Variants in CMSS1 observed in about 807,000 individuals in gnomAD.
The protein encoded by CMSS1 is protein CMSS1.
In CMSS1, 33 loss-of-function variants were observed where a neutral mutation model predicts 43.5. That is an observed-to-expected ratio of 0.76 (90% CI 0.57 to 1.01). CMSS1 has a LOEUF of 1.01. Among genes scored for constraint, CMSS1 ranks in the 50% least tolerant of loss-of-function variants. CMSS1 has a pLI of 0.00. For synonymous variants in CMSS1, 115 were observed against 117.2 expected (o/e 0.98, Z 0.12); for missense variants, 313 against 326.4 (o/e 0.96, Z 0.32).
chr3:100,169,552 T>C (rs761793781), intron 6 of CMSS1, among the ~76,000 whole-genome samples: 18 of 152,276 alleles, frequency 1.2e-4, no homozygotes, highest in Non-Finnish European at 2.4e-4. Flanking sequence ...TTTAGAAAAG[T>C]AGTTGTTAAA....
chr3:100,143,781 C>T (rs942284721), intron 1 of CMSS1, among the ~76,000 whole-genome samples: 3 of 152,280 alleles, frequency 2.0e-5, no homozygotes, highest in Non-Finnish European at 2.9e-5. Context: ...GCTATGTCTT[C>T]TTGACAGATT....
rs71907944 is a variant in CMSS1, at chr3:100,062,093, C to CTTTT, written c.65-84847_65-84844dup. Among the ~76,000 whole-genome samples, 75 of 53,176 alleles carry CTTTT rather than the reference C, an allele frequency of 1.4e-3. 18 individuals carry two copies. The highest frequency in any genetic ancestry group is 3.6e-3 in the African/African-American group (41 of 11,240). The allele number at this position is 53,176 out of a possible 152,430, so 34.9% of individuals were successfully genotyped here. ...CCACTTGTGGTTATCCTGTCTTCTT[C>CTTTT]TTTTTTTTTTTTTTTTTTTTTTTTT... On this transcript the variant is annotated intron_variant, in intron 1 of 9. Coordinates refer to ENST00000421999, the MANE Select transcript of CMSS1 (RefSeq NM_032359.4).
chr3:100,109,386 T>G (rs1296226491), intron 1 of CMSS1, among the ~76,000 whole-genome samples: 1 of 152,190 alleles, frequency 6.6e-6, no homozygotes, highest in African/African-American at 2.4e-5. Context: ...CTGAAAATTT[T>G]GACAAGCTCA....
chr3:100,161,951 G>A (rs1343497080), intron 3 of CMSS1, among the ~76,000 whole-genome samples: 1 of 152,064 alleles, frequency 6.6e-6, no homozygotes, highest in Non-Finnish European at 1.5e-5. Flanking sequence ...AATCCTACAG[G>A]AATATAAATC....
intron 1 of CMSS1, among the ~76,000 whole-genome samples, chr3:99,991,661 A>G (rs1268946429): frequency 1.3e-5 from 2 of 151,826 alleles, no homozygotes; most frequent in Non-Finnish European, 2.9e-5. Context: ...ATGTCCATGT[A>G]TATCCATTGT....
At chr3:99,983,432 GTA>G (rs1339536030) in intron 1 of CMSS1, among the ~76,000 whole-genome samples, 4 of 33,482 alleles carry the variant, frequency 1.2e-4, no homozygotes, top group Admixed American at 1.2e-3. Flanking sequence ...ATGTATGTAT[GTA>G]TATATATGTA....
At chr3:99,886,515 A>G (rs1409730935) in intron 1 of CMSS1, among the ~76,000 whole-genome samples, 1 of 152,130 alleles carries the variant, frequency 6.6e-6, no homozygotes, top group African/African-American at 2.4e-5. Flanking sequence ...CAACCCATGG[A>G]CCACGGCTTG....
chr3:100,164,849 G>T (rs775073175), intron 4 of CMSS1, among the ~76,000 whole-genome samples: 1 of 152,084 alleles, frequency 6.6e-6, no homozygotes, highest in Non-Finnish European at 1.5e-5. Flanking sequence ...TTGATTTGAG[G>T]TTGTTTGTGT....
chr3:99,885,736 T>G (rs772756577), intron 1 of CMSS1, among the ~76,000 whole-genome samples: 1 of 152,172 alleles, frequency 6.6e-6, no homozygotes, highest in African/African-American at 2.4e-5. Flanking sequence ...TCTTTCTCCC[T>G]TCTTCTTCCC....
chr3:100,016,810 T>G (rs1402949017), intron 1 of CMSS1, among the ~76,000 whole-genome samples: 1 of 152,230 alleles, frequency 6.6e-6, no homozygotes, highest in Non-Finnish European at 1.5e-5. Flanking sequence ...TTTATCTCTT[T>G]TCTTAATAGT....
intron 1 of CMSS1, among the ~76,000 whole-genome samples, chr3:100,069,771 G>A (rs2065729038): frequency 6.6e-6 from 1 of 152,200 alleles, no homozygotes; most frequent in African/African-American, 2.4e-5. Flanking sequence ...TTTGTGGTAA[G>A]AGGAGGTGGC....
chr3:100,054,467 C>T (rs981810513), intron 1 of CMSS1, among the ~76,000 whole-genome samples: 1 of 148,588 alleles, frequency 6.7e-6, no homozygotes, highest in African/African-American at 2.5e-5. Context: ...TGACCTGCTT[C>T]GTTCATTATA....
intron 1 of CMSS1, among the ~76,000 whole-genome samples, chr3:99,989,681 TATA>T (rs200107785): frequency 0.1 from 15,183 of 147,304 alleles, 858 homozygotes; most frequent in Middle Eastern, 0.13. Flanking sequence ...TATATATATA[TATA>T]TTTTTTTTCT....
At chr3:99,898,451 A>G (rs1430226180) in intron 1 of CMSS1, 1 of 152,262 alleles carries the variant, frequency 6.6e-6, no homozygotes, top group Non-Finnish European at 1.5e-5. Flanking sequence ...GAATTATGAC[A>G]TGCACCCACT....
chr3:100,043,793 CTTATT>C (rs2065241512), intron 1 of CMSS1, among the ~76,000 whole-genome samples: 1 of 152,196 alleles, frequency 6.6e-6, no homozygotes, highest in African/African-American at 2.4e-5. Context: ...ACCTCACCAA[CTTATT>C]TTATTGTGAC....
intron 1 of CMSS1, among the ~76,000 whole-genome samples, chr3:99,989,904 T>A (rs998486976): frequency 1.3e-5 from 2 of 151,976 alleles, no homozygotes; most frequent in Non-Finnish European, 2.9e-5. Flanking sequence ...AAAACTGGAG[T>A]AGTTATTTCC....
chr3:99,864,576 T>C (rs544620470), intron 1 of CMSS1, among the ~76,000 whole-genome samples: 25 of 152,246 alleles, frequency 1.6e-4, no homozygotes, highest in Admixed American at 1.4e-3. Context: ...AGACAAAAAA[T>C]GTTGACCTCA....
At chr3:100,091,808 T>C (rs2066115159) in intron 1 of CMSS1, among the ~76,000 whole-genome samples, 1 of 152,252 alleles carries the variant, frequency 6.6e-6, no homozygotes, top group Non-Finnish European at 1.5e-5. Flanking sequence ...GATTATTTGC[T>C]CAGCGTCTCC....
intron 1 of CMSS1, among the ~76,000 whole-genome samples, chr3:100,012,965 T>G (rs999794398): frequency 4.0e-5 from 6 of 151,870 alleles, no homozygotes; most frequent in East Asian, 3.9e-4. Context: ...ATGTATGTAT[T>G]TATTTATTTA....
Sources: gnomAD v4.1 joint callset for allele counts (sites outside exome capture counted in the v4.1 genomes callset) on GRCh38, gnomAD v4.1.1 for gene constraint, MANE v1.5 for transcripts, NCBI Gene and HGNC (gene_info 2026-07-23, HGNC 2026-07-21) for gene names.